The following NRXN2 variants were observed in gnomAD, a reference collection of about 807,000 sequenced individuals.
The protein encoded by NRXN2 is neurexin 2, also known as neurexin-2-beta.
In NRXN2, 29 loss-of-function variants were observed where a neutral mutation model predicts 128.8. The ratio of observed to expected loss-of-function variants is 0.23; its 90% CI spans 0.17 to 0.31. The LOEUF (loss-of-function observed/expected upper bound fraction) is 0.31. NRXN2 is among the 10% of genes least tolerant of loss of function. The pLI is 1.00. For synonymous variants in NRXN2, 1,098 were observed against 1,075.2 expected, an observed-to-expected ratio of 1.02 and a Z score of -0.41; for missense variants, 1,881 against 2,452.6, an observed-to-expected ratio of 0.77 and a Z score of 4.92.
intron 2 of NRXN2, 56 bp downstream of exon 2, chr11:64,712,914 G>T: frequency 7.0e-7 from 1 of 1,433,536 alleles, no homozygotes; most frequent in East Asian, 2.7e-5. Context: ...CCCACGAAGC[G>T]CCCCAGGCCC....
At chr11:64,706,506 C>T (rs2056346496) in intron 2 of NRXN2, among the ~76,000 whole-genome samples, 3 of 151,974 alleles carry the variant, frequency 2.0e-5, no homozygotes, top group Admixed American at 2.0e-4. Context: ...ATGAACTCAT[C>T]TTATCCATTT....
chr11:64,650,971 AG>A (rs2047382726), intron 14 of NRXN2, among the ~76,000 whole-genome samples: 1 of 152,082 alleles, frequency 6.6e-6, no homozygotes, highest in South Asian at 2.1e-4. Flanking sequence ...AAGGCAACGG[AG>A]GGGCAAGACT....
rs2052957005 is a variant in NRXN2, at chr11:64,685,808, T to C, written c.990A>G (p.Thr330=). The C allele has an allele frequency of 6.2e-7, 1 of 1,614,246 alleles. No individual in the cohort carries two copies. Among genetic ancestry groups the C allele is most frequent in the Non-Finnish European group, 8.5e-7 (1 of 1,180,046 alleles). ...TLQRNGLMLH[T]GKSADYVNLS... ...GGTTGACGTAGTCGGCCGACTTGCC[T>C]GTATGCAGCATCAGGCCGTTGCGTT... The change falls in exon 6 of 23, where the codon ACA becomes ACG. Residue 330 remains threonine, a synonymous_variant. Transcript: ENST00000265459.
intron 17 of NRXN2, among the ~76,000 whole-genome samples, chr11:64,647,308 A>G (rs530060421): frequency 1.1e-4 from 16 of 151,052 alleles, no homozygotes; most frequent in Admixed American, 5.9e-4. Context: ...TCTCAGCAGG[A>G]CCCCAGGGAA....
chr11:64,676,861 G>C, intron 7 of NRXN2, 132 bp downstream of exon 7: 1 of 730,564 alleles, frequency 1.4e-6, no homozygotes, highest in Non-Finnish European at 2.5e-6. Flanking sequence ...AGATTGTCCA[G>C]GACGCAAAAA....
At chr11:64,670,844 G>T (rs2050537578) in intron 7 of NRXN2, among the ~76,000 whole-genome samples, 1 of 152,170 alleles carries the variant, frequency 6.6e-6, no homozygotes, top group Non-Finnish European at 1.5e-5. Context: ...TGGTCCCAAA[G>T]CTCCCCAGGA....
intron 1 of NRXN2, among the ~76,000 whole-genome samples, chr11:64,718,171 TCA>T (rs2057347471): frequency 1.3e-5 from 2 of 152,130 alleles, no homozygotes. Context: ...ACCAAAGGCC[TCA>T]GCCCTACGCC....
rs1027365904 is a variant in NRXN2 at position 64,651,106 on chromosome 11, G to T, written c.2918+149C>A. Reference sequence around the variant, plus strand: ...TGCTTCTCCATCTTGGCTGAAGAGGGAGCCTCTCGACTTACGGTCGGGGAC... The same window carrying T: ...TGCTTCTCCATCTTGGCTGAAGAGGTAGCCTCTCGACTTACGGTCGGGGAC... On this transcript the variant is annotated intron_variant, in intron 14 of 22. Coordinates refer to ENST00000265459, the MANE Select transcript of NRXN2 (RefSeq NM_015080.4). The surrounding 1 kb of genome is among the most constrained non-coding windows in gnomAD (Gnocchi z 5.9). 1 of 1,052,942 alleles carries T rather than the reference G, an allele frequency of 9.5e-7. No individual in the cohort carries two copies. The highest frequency in any genetic ancestry group is 1.9e-5 in the Admixed American group (1 of 52,564). The allele number at this position is 1,052,942 out of a possible 1,614,324, so 65.2% of individuals were successfully genotyped here.
chr11:64,619,982 G>A (rs527566858), intron 22 of NRXN2, among the ~76,000 whole-genome samples: 2 of 152,210 alleles, frequency 1.3e-5, no homozygotes, highest in East Asian at 3.9e-4. Flanking sequence ...CCCACCCCAG[G>A]GACTCATGGG....
rs1241278585 is a variant in NRXN2, at chr11:64,635,637, G to A, written c.3404-185C>T. 6.6e-6 allele frequency among the ~76,000 whole-genome samples: 1 copy of A among 152,166 alleles called. No homozygotes were observed. The highest frequency in any genetic ancestry group is 2.4e-5 in the African/African-American group (1 of 41,442). ...AGTTGGCAGGCGGGTGCCTGGGTGA[G>A]AGCCTGTGCACGCGCACAGACAGAT... On this transcript the variant is annotated intron_variant, in intron 17 of 22. Transcript: ENST00000265459. This position sits in a 1 kb window ranked among gnomAD's most constrained non-coding sequence, Gnocchi z 4.8.
chr11:64,713,368 C>T lies in NRXN2; in HGVS notation c.332G>A (p.Arg111His). Residue 111 changes from arginine to histidine, a missense_variant, in exon 2 of 23, where the codon CGC (arginine) becomes CAC (histidine). Around this residue, in one of 7 missense-constraint regions of NRXN2, gnomAD observed 997 missense variants for 1,240.8 expected, o/e 0.80. Coordinates refer to ENST00000265459, the MANE Select transcript of NRXN2 (RefSeq NM_015080.4). ...LQLDTPVADDRWHMVLLTRDA... is the reference protein window; with the variant it reads ...LQLDTPVADDHWHMVLLTRDA... ...GCGGGTCAGCAGCACCATGTGCCAG[C>T]GGTCGTCGGCCACCGGCGTGTCCAG... 6.9e-7 allele frequency: 1 copy of T among 1,439,846 alleles called. No individual in the cohort carries two copies. The highest frequency in any genetic ancestry group is 2.3e-4 in the Middle Eastern group (1 of 4,306). The allele number at this position is 1,439,846 out of a possible 1,614,324, so 89.2% of individuals were successfully genotyped here.
intron 22 of NRXN2, among the ~76,000 whole-genome samples, chr11:64,618,885 G>A (rs1373032047): frequency 2.0e-5 from 3 of 152,178 alleles, no homozygotes; most frequent in Non-Finnish European, 4.4e-5. Flanking sequence ...GGGGGACATG[G>A]AGGGCAACTG....
At chr11:64,615,952 G>A (rs1332380860) in intron 22 of NRXN2, among the ~76,000 whole-genome samples, 1 of 152,078 alleles carries the variant, frequency 6.6e-6, no homozygotes, top group Non-Finnish European at 1.5e-5. Flanking sequence ...TTCTGTGAGT[G>A]TGAACCAGTA....
intron 17 of NRXN2, among the ~76,000 whole-genome samples, chr11:64,647,250 C>T (rs966655101): frequency 1.3e-5 from 2 of 150,104 alleles, no homozygotes; most frequent in African/African-American, 2.5e-5. Context: ...TGTGTGTGTG[C>T]GTGCCTGTGT....
chr11:64,633,654 C>T (rs2044263649), intron 18 of NRXN2, among the ~76,000 whole-genome samples: 1 of 152,154 alleles, frequency 6.6e-6, no homozygotes, highest in African/African-American at 2.4e-5. Flanking sequence ...TGGGGAAATA[C>T]ACATCTATAG....
At chr11:64,711,036 C>G (rs925811673) in intron 2 of NRXN2, among the ~76,000 whole-genome samples, 10 of 152,146 alleles carry the variant, frequency 6.6e-5, no homozygotes, top group African/African-American at 1.2e-4. Context: ...GAAAACAATC[C>G]CCAGAACTTT....
intron 12 of NRXN2, among the ~76,000 whole-genome samples, 179 bp downstream of exon 12, chr11:64,653,517 T>C (rs1457178475): frequency 6.6e-6 from 1 of 152,074 alleles, no homozygotes; most frequent in South Asian, 2.1e-4. Flanking sequence ...TGGTCCCTCC[T>C]GCCTTCCACA....
intron 3 of NRXN2, among the ~76,000 whole-genome samples, chr11:64,695,907 T>C (rs2054444809): frequency 6.6e-6 from 1 of 151,802 alleles, no homozygotes; most frequent in African/African-American, 2.4e-5. Flanking sequence ...CTTGTTCCTG[T>C]CTATCAGCCC....
At chr11:64,719,754 G>A (rs1037428918) in intron 1 of NRXN2, among the ~76,000 whole-genome samples, 2 of 152,184 alleles carry the variant, frequency 1.3e-5, no homozygotes, top group Non-Finnish European at 2.9e-5. Context: ...CAGCCTGGGC[G>A]GGTGCACCCC....
Sources: allele counts gnomAD v4.1 joint callset (sites outside exome capture counted in the v4.1 genomes callset), GRCh38; gene constraint gnomAD v4.1.1; regional missense constraint gnomAD v4.1.1; non-coding constraint Gnocchi (gnomAD v3.1); transcripts MANE v1.5; gene names NCBI Gene and HGNC (gene_info 2026-07-23, HGNC 2026-07-21).